Variants in ATP10A observed in about 807,000 individuals in gnomAD.
The protein encoded by ATP10A is ATPase phospholipid transporting 10A (putative).
In ATP10A, 111 loss-of-function variants were observed where a neutral mutation model predicts 147.8. The observed-to-expected ratio is 0.75, with a 90% CI of 0.64 to 0.88. The LOEUF (loss-of-function observed/expected upper bound fraction) is 0.88, where lower values mean the gene tolerates loss of function less well. ATP10A is among the 40% of genes least tolerant of loss of function. ATP10A has a pLI of 0.00. For synonymous variants in ATP10A, 875 were observed against 841.6 expected (o/e 1.04, Z -0.69); for missense variants, 1,927 against 1,959.0 (o/e 0.98, Z 0.31).
At chr15:25,689,619 GA>G (rs1476715492) in intron 15 of ATP10A, among the ~76,000 whole-genome samples, 1 of 152,236 alleles carries the variant, frequency 6.6e-6, no homozygotes, top group Non-Finnish European at 1.5e-5. Flanking sequence ...GGATGGTAAG[GA>G]AAGGTATCAA....
chr15:25,800,156 C>A (rs1890869994), intron 1 of ATP10A, among the ~76,000 whole-genome samples: 1 of 152,178 alleles, frequency 6.6e-6, no homozygotes. Flanking sequence ...TATTTTAATG[C>A]AATATCTTTT....
At chr15:25,838,631 TG>T (rs1415486731) in intron 1 of ATP10A, among the ~76,000 whole-genome samples, 11 of 152,322 alleles carry the variant, frequency 7.2e-5, no homozygotes, top group Admixed American at 7.2e-4. Flanking sequence ...CAAGTGCAGA[TG>T]AAGTTTTGAT....
intron 6 of ATP10A, among the ~76,000 whole-genome samples, chr15:25,722,770 C>T (rs1902322342): frequency 6.6e-6 from 1 of 152,178 alleles, no homozygotes; most frequent in Non-Finnish European, 1.5e-5. Context: ...AAGGCTGAGC[C>T]AATGTCCTCT....
chr15:25,759,793 C>T (rs1888652354), intron 2 of ATP10A, among the ~76,000 whole-genome samples: 1 of 126,852 alleles, frequency 7.9e-6, no homozygotes, highest in African/African-American at 2.7e-5. Context: ...TGGGTGGAGA[C>T]CCTGTCTCAA....
At chr15:25,701,766 A>G in intron 13 of ATP10A, 150 bp downstream of exon 13, 3 of 709,400 alleles carry the variant, frequency 4.2e-6, no homozygotes, top group Non-Finnish European at 6.7e-6. Flanking sequence ...TACCTCTTCC[A>G]AGGCAATAAC....
chr15:25,736,263 A>G, intron 2 of ATP10A, 122 bp from the exon 3 acceptor site: 1 of 744,842 alleles, frequency 1.3e-6, no homozygotes, highest in Non-Finnish European at 2.4e-6. Context: ...AACTCTGCCT[A>G]TGAATCTCTC....
At chr15:25,858,806 T>C (rs889526605) in intron 1 of ATP10A, among the ~76,000 whole-genome samples, 3 of 152,064 alleles carry the variant, frequency 2.0e-5, no homozygotes, top group African/African-American at 7.2e-5. Context: ...GAAATACTGC[T>C]GGTTACATCA....
chr15:25,678,278 G>A (rs1899180881), downstream of ATP10A: 3 of 151,916 alleles, frequency 2.0e-5, no homozygotes, highest in African/African-American at 7.3e-5. Flanking sequence ...TGCTGTCCTC[G>A]AAGACAGCAT....
At chr15:25,853,956 A>G (rs2140914674) in intron 1 of ATP10A, among the ~76,000 whole-genome samples, 1 of 151,894 alleles carries the variant, frequency 6.6e-6, no homozygotes, top group African/African-American at 2.4e-5. Flanking sequence ...AAAAAAAGAA[A>G]AAAAAAAAAA....
chr15:25,727,297 G>A (rs1184914629), intron 3 of ATP10A, 31 bp from the exon 4 acceptor site: 1 of 1,566,204 alleles, frequency 6.4e-7, no homozygotes, highest in Non-Finnish European at 8.8e-7. Flanking sequence ...CATGTCACGT[G>A]GTTGCAGGCC....
chr15:25,722,477 C>G (rs146341802), intron 6 of ATP10A, among the ~76,000 whole-genome samples: 2 of 152,216 alleles, frequency 1.3e-5, no homozygotes, highest in African/African-American at 4.8e-5. Context: ...AGTGATGCCT[C>G]CATAATTTAA....
At chr15:25,828,449 T>C (rs1487273459) in intron 1 of ATP10A, among the ~76,000 whole-genome samples, 1 of 152,184 alleles carries the variant, frequency 6.6e-6, no homozygotes, top group Non-Finnish European at 1.5e-5. Context: ...AAGTAGGCTC[T>C]TGGAATGAAC....
chr15:25,845,763 C>T (rs1892999784), intron 1 of ATP10A, among the ~76,000 whole-genome samples: 1 of 152,132 alleles, frequency 6.6e-6, no homozygotes, highest in Non-Finnish European at 1.5e-5. Context: ...GTGCATGCTG[C>T]CCTAGGCACC....
chr15:25,691,690 A>T, intron 15 of ATP10A, 25 bp downstream of exon 15: 1 of 1,613,734 alleles, frequency 6.2e-7, no homozygotes, highest in Non-Finnish European at 8.5e-7. Flanking sequence ...AATTGGTCAC[A>T]CAGAATAGCC....
chr15:25,702,549 T>A (rs1360213425), intron 12 of ATP10A, among the ~76,000 whole-genome samples: 1 of 152,232 alleles, frequency 6.6e-6, no homozygotes, highest in Non-Finnish European at 1.5e-5. Flanking sequence ...AAATTCAGAA[T>A]GTCCAGTCTC....
At chr15:25,763,154 A>G (rs932767221) in intron 2 of ATP10A, among the ~76,000 whole-genome samples, 1 of 152,186 alleles carries the variant, frequency 6.6e-6, no homozygotes, top group Non-Finnish European at 1.5e-5. Context: ...TTGTAAGAAA[A>G]TAATTGCTCC....
intron 1 of ATP10A, among the ~76,000 whole-genome samples, chr15:25,849,819 C>A (rs775759643): frequency 2.0e-5 from 3 of 151,548 alleles, no homozygotes; most frequent in Non-Finnish European, 4.4e-5. Flanking sequence ...ACTTTCCATC[C>A]TGCTTAAAAG....
At chr15:25,701,729 T>C (rs1194963949) in intron 13 of ATP10A, among the ~76,000 whole-genome samples, 187 bp downstream of exon 13, 2 of 152,140 alleles carry the variant, frequency 1.3e-5, no homozygotes, top group African/African-American at 4.8e-5. Context: ...ATGCATTCCT[T>C]TGGTACTAAG....
chr15:25,737,302 T>G (rs1330880853), intron 2 of ATP10A, among the ~76,000 whole-genome samples: 1 of 152,206 alleles, frequency 6.6e-6, no homozygotes, highest in East Asian at 1.9e-4. Context: ...GATGGCTTTT[T>G]CCAGGGCAGA....
Sources: gnomAD v4.1 joint callset for allele counts (sites outside exome capture counted in the v4.1 genomes callset) on GRCh38, gnomAD v4.1.1 for gene constraint, MANE v1.5 for transcripts, NCBI Gene and HGNC (gene_info 2026-07-23, HGNC 2026-07-21) for gene names.